Variants in ERC1 observed in about 807,000 individuals in gnomAD.
ERC1 encodes the protein ELKS/RAB6-interacting/CAST family member 1, also known as RAB6 interacting protein 2.
A neutral mutation model predicts 132.0 loss-of-function variants in ERC1; 56 were observed. The observed-to-expected ratio is 0.42, with a 90% CI of 0.34 to 0.53. The LOEUF is 0.53. ERC1 is among the 20% of genes least tolerant of loss of function. ERC1 has a pLI of 0.03. For synonymous variants in ERC1, 478 were observed against 476.1 expected (o/e 1.00, Z -0.05); for missense variants, 1,202 against 1,349.9 (o/e 0.89, Z 1.72).
chr12:1,420,625 T>G (rs1245963893), intron 17 of ERC1, among the ~76,000 whole-genome samples: 1 of 151,796 alleles, frequency 6.6e-6, no homozygotes, highest in Non-Finnish European at 1.5e-5. Flanking sequence ...CTGGCTGATG[T>G]TTTGTATTTT....
chr12:1,278,869 T>C (rs1188783042), intron 14 of ERC1, among the ~76,000 whole-genome samples: 1 of 152,182 alleles, frequency 6.6e-6, no homozygotes, highest in African/African-American at 2.4e-5. Flanking sequence ...ATGAACTCTT[T>C]CTTTTAGAAT....
intron 2 of ERC1, among the ~76,000 whole-genome samples, chr12:1,046,916 C>T (rs1971165080): frequency 6.6e-6 from 1 of 152,148 alleles, no homozygotes; most frequent in African/African-American, 2.4e-5. Flanking sequence ...TGTGACGCAC[C>T]CTTCACATTT....
intron 14 of ERC1, among the ~76,000 whole-genome samples, chr12:1,264,226 C>A (rs1372975046): frequency 6.6e-6 from 1 of 152,110 alleles, no homozygotes; most frequent in Non-Finnish European, 1.5e-5. Flanking sequence ...TTACATATAT[C>A]CTGCATCTTT....
chr12:1,273,651 T>A (rs2078037122), intron 14 of ERC1, among the ~76,000 whole-genome samples: 1 of 149,996 alleles, frequency 6.7e-6, no homozygotes, highest in Admixed American at 6.6e-5. Context: ...TTATTTAATT[T>A]TAAGTAAATT....
intron 2 of ERC1, among the ~76,000 whole-genome samples, chr12:1,052,393 G>C (rs1972171036): frequency 6.6e-6 from 1 of 152,160 alleles, no homozygotes; most frequent in African/African-American, 2.4e-5. Context: ...TAATGGGTGT[G>C]TGGATAAATA....
At chr12:1,384,939 G>A (rs1013475629) in intron 16 of ERC1, among the ~76,000 whole-genome samples, 3 of 152,178 alleles carry the variant, frequency 2.0e-5, no homozygotes, top group African/African-American at 7.2e-5. Flanking sequence ...TGTACAGTCT[G>A]GGCCTACCTA....
rs368492184 is a variant in ERC1, at chr12:1,464,540, GAC to G, written c.3213+19792_3213+19793del. Among the ~76,000 whole-genome samples the G allele has an allele frequency of 4.9e-3, 417 of 85,512 alleles. 7 individuals are homozygous for G. Among genetic ancestry groups the G allele is most frequent in the African/African-American group, 0.018 (396 of 21,932 alleles). 56.1% of individuals were successfully genotyped at this position (85,512 alleles called of 152,430 possible). ...TTTTTTTTTTTTTTTTTTTTTTTGA[GAC>G]AGAGTTTCGCTCCGTTGCCCAGGCT... On this transcript the variant is annotated intron_variant, in intron 18 of 18. Coordinates refer to ENST00000360905, the MANE Select transcript of ERC1 (RefSeq NM_178040.4).
chr12:1,180,620 T>C lies in ERC1; in HGVS notation c.1818T>C (p.Ala606=), dbSNP rs1954337835. Residue 606 remains alanine (A), a synonymous_variant, in exon 9 of 19, where the codon GCT becomes GCC. Transcript: ENST00000360905. Reference sequence around the variant, plus strand: ...AAGAACGGGTCAAATCCTTGCAGGCTGACACCACCAACACTGACACTGCCT... The same window carrying C: ...AAGAACGGGTCAAATCCTTGCAGGCCGACACCACCAACACTGACACTGCCT... ...SLKERVKSLQ[A]DTTNTDTALT... The C allele has an allele frequency of 6.2e-7, 1 of 1,614,082 alleles. No individual in the cohort carries two copies.
At chr12:1,030,505 G>C (rs1380751392) in intron 2 of ERC1, among the ~76,000 whole-genome samples, 1 of 152,128 alleles carries the variant, frequency 6.6e-6, no homozygotes, top group East Asian at 1.9e-4. Flanking sequence ...GTGCGGATTG[G>C]TTAAGGCCAG....
chr12:1,090,865 T>TACAGGCAATATGCCTATGCCTGGCCC lies in ERC1; in HGVS notation c.1086+7285_1086+7286insACAGGCAATATGCCTATGCCTGGCCC, dbSNP rs1324652305. 1.3e-3 allele frequency among the ~76,000 whole-genome samples: 68 copies of TACAGGCAATATGCCTATGCCTGGCCC among 51,778 alleles called. 24 individuals are homozygous for TACAGGCAATATGCCTATGCCTGGCCC. Among genetic ancestry groups the TACAGGCAATATGCCTATGCCTGGCCC allele is most frequent in the Middle Eastern group, 7.4e-3 (1 of 136 alleles). The allele number at this position is 51,778 out of a possible 152,430, so 34.0% of individuals were successfully genotyped here. ...TTATTATTGTTGTTGTTGTTGTTGT[T>TACAGGCAATATGCCTATGCCTGGCCC]GTTATTATTATTATTATTATTATTA... is the stretch of plus-strand genomic sequence containing the variant. On this transcript the variant is annotated intron_variant, in intron 3 of 18. Coordinates refer to ENST00000360905, the MANE Select transcript of ERC1 (RefSeq NM_178040.4).
rs551874121 is a variant in ERC1 at position 1,419,666 on chromosome 12, T to C, written c.3024+11419T>C. 3.3e-5 allele frequency among the ~76,000 whole-genome samples: 5 copies of C among 151,934 alleles called. No homozygotes were observed. The East Asian group carries it at 9.7e-4, about 29-fold the overall frequency. ...CCAAAGTAATGGAGGAAATGAGGAA[T>C]TGTCGTTTAGTGGATATAGAGTTTT... On this transcript the variant is annotated intron_variant, in intron 17 of 18. Coordinates refer to ENST00000360905, the MANE Select transcript of ERC1 (RefSeq NM_178040.4).
chr12:1,028,329 C>A lies in ERC1; in HGVS notation c.426C>A (p.Ser142=). The change falls in exon 2 of 19, where the codon TCC becomes TCA. Residue 142 remains serine (S), a synonymous_variant. Transcript: ENST00000360905. The stretch of plus-strand genomic sequence containing the variant: ...GTATGGCATCCACTGTACCTCACTC[C>A]CTTCGTCAGGCGAGAGATAACACAA... ...PVSMASTVPH[S]LRQARDNTIM... is the part of the protein sequence containing the mutation. The A allele has an allele frequency of 6.2e-7, 1 of 1,614,146 alleles. No homozygotes were observed. The highest frequency in any genetic ancestry group is 8.5e-7 in the Non-Finnish European group (1 of 1,180,030).
Position 1,183,384 on chromosome 12 carries a change from A to G in ERC1, c.2120A>G (p.Lys707Arg). The change falls in exon 11 of 19, where the codon AAG (lysine) becomes AGG (arginine). Residue 707 changes from lysine to arginine, a missense_variant. By Grantham distance (26) the Lys-to-Arg change is conservative. Transcript: ENST00000360905. Reference sequence around the variant, plus strand: ...CTAGAGATTGCTTTGGAGCAGAAGAAGGAGGAGTGTCTGAAAATGGAATCA... The same window carrying G: ...CTAGAGATTGCTTTGGAGCAGAAGAGGGAGGAGTGTCTGAAAATGGAATCA... ...KTLEIALEQK[K>R]EECLKMESQL... The G allele has an allele frequency of 6.3e-7, 1 of 1,590,224 alleles. No homozygotes were observed.
chr12:1,217,355 A>G (rs1001480104), intron 12 of ERC1, among the ~76,000 whole-genome samples: 1 of 152,134 alleles, frequency 6.6e-6, no homozygotes, highest in Non-Finnish European at 1.5e-5. Flanking sequence ...GCAGTACTAG[A>G]TTCTTATCTT....
chr12:1,030,204 G>A (rs745750901), intron 2 of ERC1, among the ~76,000 whole-genome samples: 1 of 152,132 alleles, frequency 6.6e-6, no homozygotes, highest in Non-Finnish European at 1.5e-5. Context: ...AGGAGAATAT[G>A]TAATTAGCTA....
At chr12:1,166,903 G>T (rs1370744468) in intron 8 of ERC1, among the ~76,000 whole-genome samples, 1 of 152,116 alleles carries the variant, frequency 6.6e-6, no homozygotes, top group African/African-American at 2.4e-5. Context: ...CATATGCAAA[G>T]GCTTATATTG....
chr12:1,394,932 G>A (rs1198611315), intron 16 of ERC1, among the ~76,000 whole-genome samples: 1 of 152,172 alleles, frequency 6.6e-6, no homozygotes, highest in Non-Finnish European at 1.5e-5. Flanking sequence ...CCTGGCCATT[G>A]TTCACTGATT....
intron 1 of ERC1, among the ~76,000 whole-genome samples, chr12:992,053 T>G (rs1959562325): frequency 6.6e-6 from 1 of 152,138 alleles, no homozygotes; most frequent in Admixed American, 6.5e-5. Context: ...TGGATGTATC[T>G]GAAAGTTTTA....
chr12:1,112,449 C>T, intron 6 of ERC1, 151 bp downstream of exon 6: 2 of 556,308 alleles, frequency 3.6e-6, no homozygotes, highest in South Asian at 4.3e-5. Context: ...TGCTCTTTAA[C>T]TGACTCCTGT....
Sources: gnomAD v4.1 joint callset for allele counts (sites outside exome capture counted in the v4.1 genomes callset) on GRCh38, gnomAD v4.1.1 for gene constraint, MANE v1.5 for transcripts, NCBI Gene and HGNC (gene_info 2026-07-23, HGNC 2026-07-21) for gene names.